ENTREP2: variants seen among roughly 807,000 people sequenced by gnomAD.
The protein encoded by ENTREP2 is protein ENTREP2.
chr15:29,269,239 T>C, the ENTREP2 span: 2 of 1,614,022 alleles, frequency 1.2e-6, no homozygotes, highest in Admixed American at 1.7e-5. Flanking sequence ...CTCCAGGGTG[T>C]TGATGAGGAT....
the ENTREP2 span, among the ~76,000 whole-genome samples, chr15:29,570,983 C>G: frequency 6.9e-6 from 1 of 145,292 alleles, no homozygotes; most frequent in African/African-American, 2.5e-5. Flanking sequence ...GCGCCCTCCC[C>G]CGCCCGCCCC....
the ENTREP2 span, chr15:29,151,852 A>G: frequency 6.5e-7 from 1 of 1,542,196 alleles, no homozygotes; most frequent in African/African-American, 1.4e-5. Context: ...CTGCGAGGAA[A>G]GGTGCAGGAG....
At chr15:29,474,325 G>A in the ENTREP2 span, among the ~76,000 whole-genome samples, 3 of 152,098 alleles carry the variant, frequency 2.0e-5, no homozygotes, top group Non-Finnish European at 2.9e-5. Context: ...GGCTGCGCCC[G>A]GCGTCAGGGC....
the ENTREP2 span, among the ~76,000 whole-genome samples, chr15:29,282,348 G>A: frequency 6.6e-6 from 1 of 152,186 alleles, no homozygotes; most frequent in Non-Finnish European, 1.5e-5. Flanking sequence ...CCATGACTGT[G>A]GGGCCTCCCC....
the ENTREP2 span, among the ~76,000 whole-genome samples, chr15:29,155,252 A>G: frequency 2.6e-5 from 4 of 151,338 alleles, no homozygotes; most frequent in African/African-American, 9.7e-5. Flanking sequence ...ACTGCACTCC[A>G]GCCTGGGCAA....
At chr15:29,642,602 T>TATAC in the ENTREP2 span, among the ~76,000 whole-genome samples, 6 of 149,316 alleles carry the variant, frequency 4.0e-5, no homozygotes, top group South Asian at 4.2e-4. Flanking sequence ...AGTGTATATG[T>TATAC]ATACATACAT....
At chr15:29,332,973 A>C in the ENTREP2 span, among the ~76,000 whole-genome samples, 1 of 151,998 alleles carries the variant, frequency 6.6e-6, no homozygotes, top group Non-Finnish European at 1.5e-5. Flanking sequence ...AAAAAAAAAA[A>C]AAAAACCCTT....
the ENTREP2 span, among the ~76,000 whole-genome samples, chr15:29,536,749 C>A: frequency 6.6e-6 from 1 of 152,042 alleles, no homozygotes; most frequent in African/African-American, 2.4e-5. Context: ...TGACTGGTGT[C>A]CTTATAAAAA....
the ENTREP2 span, among the ~76,000 whole-genome samples, chr15:29,465,405 G>A: frequency 5.3e-5 from 8 of 152,142 alleles, no homozygotes; most frequent in Non-Finnish European, 1.0e-4. Context: ...ACTGAGCCAC[G>A]TGACACTGCA....
the ENTREP2 span, among the ~76,000 whole-genome samples, chr15:29,342,577 G>C: frequency 1.3e-5 from 2 of 152,074 alleles, no homozygotes; most frequent in South Asian, 2.1e-4. Flanking sequence ...GGGCTGGTTG[G>C]GGGGGCATTT....
At chr15:29,389,155 G>GAA in the ENTREP2 span, among the ~76,000 whole-genome samples, 28 of 140,182 alleles carry the variant, frequency 2.0e-4, no homozygotes, top group African/African-American at 5.7e-4. Flanking sequence ...CAGGAACTAT[G>GAA]AAAAAAAAAA....
chr15:29,595,215 T>G, the ENTREP2 span, among the ~76,000 whole-genome samples: 2 of 151,944 alleles, frequency 1.3e-5, no homozygotes, highest in African/African-American at 4.8e-5. Flanking sequence ...TTCGCGCCAC[T>G]ACGCTCCAGC....
chr15:29,126,151 TG>T, the ENTREP2 span: 2 of 846,196 alleles, frequency 2.4e-6, no homozygotes, highest in South Asian at 2.0e-5. Context: ...ATTCCCAGTG[TG>T]GCCCCAGACA....
the ENTREP2 span, chr15:29,570,450 C>CCCAGCG: frequency 8.9e-7 from 1 of 1,127,026 alleles, no homozygotes. Context: ...AGCGCCTAGC[C>CCCAGCG]CCCCCGGCCC....
At chr15:29,591,905 A>T in the ENTREP2 span, among the ~76,000 whole-genome samples, 1 of 150,422 alleles carries the variant, frequency 6.6e-6, no homozygotes, top group African/African-American at 2.4e-5. Context: ...AAGAGAGAAA[A>T]CACAGATGTT....
the ENTREP2 span, among the ~76,000 whole-genome samples, chr15:29,546,972 T>C: frequency 4.0e-5 from 6 of 149,020 alleles, no homozygotes; most frequent in Non-Finnish European, 5.9e-5. Flanking sequence ...AATAAAGAGA[T>C]ATGGAGCATT....
At chr15:29,145,053 C>CA in the ENTREP2 span, among the ~76,000 whole-genome samples, 2 of 151,778 alleles carry the variant, frequency 1.3e-5, no homozygotes, top group African/African-American at 4.8e-5. Context: ...GACTCCATCT[C>CA]AAAAAAAATT....
the ENTREP2 span, among the ~76,000 whole-genome samples, chr15:29,494,662 A>G: frequency 6.6e-6 from 1 of 152,158 alleles, no homozygotes; most frequent in African/African-American, 2.4e-5. Flanking sequence ...ACACCTACCC[A>G]TTTCCCACAG....
chr15:29,496,418 T>G, the ENTREP2 span, among the ~76,000 whole-genome samples: 1 of 151,962 alleles, frequency 6.6e-6, no homozygotes, highest in African/African-American at 2.4e-5. Context: ...TAAAATTATT[T>G]TTACTGCCTA....
Sources: gnomAD v4.1 joint callset for allele counts (sites outside exome capture counted in the v4.1 genomes callset) on GRCh38, gnomAD v4.1.1 for gene constraint, MANE v1.5 for transcripts, NCBI Gene and HGNC (gene_info 2026-07-23, HGNC 2026-07-21) for gene names.